Variants in MAP3K9 observed in about 807,000 individuals in gnomAD.
The protein encoded by MAP3K9 is mitogen-activated protein kinase kinase kinase 9.
MAP3K9 carries 46 observed loss-of-function variants against 95.8 expected under a neutral mutation model. The observed-to-expected ratio is 0.48, with a 90% CI of 0.38 to 0.61. The LOEUF is 0.61. Ranked by LOEUF, MAP3K9 falls within the 20% of genes least tolerant of loss-of-function variation. The probability of loss-of-function intolerance (pLI) is 0.00; values close to 1 mark genes in which losing one functional copy is unlikely to be tolerated. For synonymous variants in MAP3K9, 533 were observed against 593.8 expected (o/e 0.90, Z 1.49); for missense variants, 1,296 against 1,474.3 (o/e 0.88, Z 1.98).
intron 6 of MAP3K9, 62 bp from the exon 7 acceptor site, chr14:70,740,226 G>A: frequency 1.9e-6 from 3 of 1,540,828 alleles, no homozygotes; most frequent in Non-Finnish European, 2.7e-6. Flanking sequence ...ATTCATATAA[G>A]AAATATGACA....
chr14:70,798,429 C>CTTCTTTTT, intron 2 of MAP3K9, among the ~76,000 whole-genome samples: 1 of 30,548 alleles, frequency 3.3e-5, no homozygotes, highest in Non-Finnish European at 7.1e-5. Flanking sequence ...GCAATATAAG[C>CTTCTTTTT]AATCTCTAGG....
intron 2 of MAP3K9, among the ~76,000 whole-genome samples, chr14:70,789,038 A>G (rs2054778617): frequency 6.6e-6 from 1 of 152,220 alleles, no homozygotes. Context: ...AAAGCATTTT[A>G]ATTATCAACT....
At chr14:70,793,848 T>A (rs1594810015) in intron 2 of MAP3K9, among the ~76,000 whole-genome samples, 1 of 152,238 alleles carries the variant, frequency 6.6e-6, no homozygotes, top group Middle Eastern at 3.4e-3. Flanking sequence ...GCCAGCACGG[T>A]GTTTTGTTTC....
At chr14:70,786,890 T>C (rs1410080720) in intron 2 of MAP3K9, among the ~76,000 whole-genome samples, 1 of 152,238 alleles carries the variant, frequency 6.6e-6, no homozygotes, top group Non-Finnish European at 1.5e-5. Context: ...TTTTTATTTT[T>C]AGTTTTTTGG....
chr14:70,808,732 T>TC lies in MAP3K9; in HGVS notation c.406+33dup, dbSNP rs1203775521. The TC allele has an allele frequency of 8.9e-6, 12 of 1,354,240 alleles. No individual in the cohort carries two copies. The East Asian group carries it at 2.1e-4, about 23-fold the overall frequency. The allele number at this position is 1,354,240 out of a possible 1,614,324, so 83.9% of individuals were successfully genotyped here. A position where few individuals can be genotyped will look rare whatever the true frequency, so the allele number is the denominator to read the frequency against. ...CGACCGCCCCCCAGGCCTCCGTCATTCCCCCTCCCCGCCCGGCCCCGCCTT... is the reference window on the plus strand; with the variant it reads ...CGACCGCCCCCCAGGCCTCCGTCATTCCCCCCTCCCCGCCCGGCCCCGCCTT... On this transcript the variant is annotated intron_variant, in intron 1 of 11. Transcript: ENST00000554752.
At chr14:70,772,153 C>T (rs915533580) in intron 2 of MAP3K9, among the ~76,000 whole-genome samples, 71 of 152,212 alleles carry the variant, frequency 4.7e-4, no homozygotes, top group African/African-American at 1.4e-3. Context: ...CCAGCAGCAA[C>T]GGTGGCCCCA....
At chr14:70,747,439 C>T (rs530268342) in intron 5 of MAP3K9, among the ~76,000 whole-genome samples, 8 of 152,330 alleles carry the variant, frequency 5.3e-5, no homozygotes, top group African/African-American at 1.9e-4. Context: ...CCTCTCCAGC[C>T]CTGTGCAACT....
intron 11 of MAP3K9, among the ~76,000 whole-genome samples, chr14:70,731,622 G>T (rs1450974909): frequency 6.6e-6 from 1 of 152,290 alleles, no homozygotes; most frequent in African/African-American, 2.4e-5. Flanking sequence ...TGACTCAAGG[G>T]CATGTCTGTT....
At chr14:70,742,089 A>G (rs2054078257) in intron 6 of MAP3K9, among the ~76,000 whole-genome samples, 2 of 152,136 alleles carry the variant, frequency 1.3e-5, no homozygotes, top group African/African-American at 2.4e-5. Context: ...CCTGTGAGCC[A>G]CCAGGCTTCT....
intron 5 of MAP3K9, 34 bp from the exon 6 acceptor site, chr14:70,742,625 T>A (rs759526850): frequency 1.9e-6 from 3 of 1,607,088 alleles, no homozygotes; most frequent in Admixed American, 1.7e-5. Flanking sequence ...GAGAAAAGAC[T>A]GGGGTGCTCA....
At chr14:70,771,887 T>G (rs7152516) in intron 2 of MAP3K9, among the ~76,000 whole-genome samples, 135,796 of 152,258 alleles carry the variant, frequency 0.89, 60,626 homozygotes, top group Middle Eastern at 0.94. Context: ...ACCCAACACA[T>G]AGCAGGCTCC....
intron 3 of MAP3K9, among the ~76,000 whole-genome samples, chr14:70,750,571 A>G (rs2054212068): frequency 6.6e-6 from 1 of 152,056 alleles, no homozygotes; most frequent in Admixed American, 6.6e-5. Flanking sequence ...TGCAACCTCC[A>G]TCTCCTGGGT....
chr14:70,781,509 T>C (rs1000381640), intron 2 of MAP3K9, among the ~76,000 whole-genome samples: 2 of 152,232 alleles, frequency 1.3e-5, no homozygotes, highest in Non-Finnish European at 2.9e-5. Flanking sequence ...AAAATGTTCT[T>C]GTTTGGGGTC....
chr14:70,740,604 G>A (rs928698436), intron 6 of MAP3K9, among the ~76,000 whole-genome samples: 1 of 152,214 alleles, frequency 6.6e-6, no homozygotes, highest in African/African-American at 2.4e-5. Flanking sequence ...TGCAGGCACA[G>A]CAGGGTATCA....
At position 70,755,746 on chromosome 14, in the gene MAP3K9, G is replaced by C. The variant is rs148412963; in HGVS notation, c.1001+5256C>G. Among the ~76,000 whole-genome samples the C allele has an allele frequency of 8.3e-3, 1,257 of 152,348 alleles. 6 individuals carry two copies. The highest frequency in any genetic ancestry group is 0.013 in the Non-Finnish European group (875 of 68,034). On this transcript the variant is annotated intron_variant, in intron 3 of 11. Coordinates refer to ENST00000554752, the MANE Select transcript of MAP3K9 (RefSeq NM_001284230.2). ...TTTAATGGGTTATAAATTGTGCTTT[G>C]AAGGAAATCCTGCAGCATAGAAGCT...
At position 70,800,773 on chromosome 14, in the gene MAP3K9, G is replaced by C. The variant is rs149965192; in HGVS notation, c.714C>G (p.Pro238=). 2.3e-5 allele frequency: 37 copies of C among 1,614,004 alleles called. No homozygotes were observed. The highest frequency in any genetic ancestry group is 3.1e-5 in the Non-Finnish European group (36 of 1,180,036). The change falls in exon 2 of 12, where the codon CCC becomes CCG. Residue 238 remains proline (P), a synonymous_variant. Coordinates refer to ENST00000554752, the MANE Select transcript of MAP3K9 (RefSeq NM_001284230.2). ...LNRVLSGKRI[P]PDILVNWAVQ... ...CAGCCCAATTCACCAGGATGTCTGG[G>C]GGAATCCTTTTCCCAGATAACACTC...
chr14:70,731,038 T>G (rs1476610), intron 11 of MAP3K9, among the ~76,000 whole-genome samples, 174 bp from the exon 12 acceptor site: 134,248 of 149,560 alleles, frequency 0.9, 60,484 homozygotes, highest in Middle Eastern at 0.94. Flanking sequence ...TGACCTAGAA[T>G]GCCATGATCC....
chr14:70,786,715 G>A (rs566197726), intron 2 of MAP3K9, among the ~76,000 whole-genome samples: 53 of 152,192 alleles, frequency 3.5e-4, no homozygotes, highest in African/African-American at 1.2e-3. Flanking sequence ...TGAGCATCAG[G>A]ATGACCTTAG....
intron 2 of MAP3K9, among the ~76,000 whole-genome samples, chr14:70,799,062 G>A (rs1255964934): frequency 1.3e-5 from 2 of 152,180 alleles, no homozygotes; most frequent in Non-Finnish European, 2.9e-5. Context: ...ATGTCGGGAA[G>A]GATATGCCAA....
Sources: gnomAD v4.1 joint callset for allele counts (sites outside exome capture counted in the v4.1 genomes callset) on GRCh38, gnomAD v4.1.1 for gene constraint, MANE v1.5 for transcripts, NCBI Gene and HGNC (gene_info 2026-07-23, HGNC 2026-07-21) for gene names.